The following DPYD variants were observed in gnomAD, a reference collection of about 807,000 sequenced individuals.
DPYD encodes the protein dihydropyrimidine dehydrogenase, also known as dihydropyrimidine dehydrogenase [NADP(+)].
A neutral mutation model predicts 116.2 loss-of-function variants in DPYD; 109 were observed. The ratio of observed to expected loss-of-function variants is 0.94; its 90% confidence interval spans 0.80 to 1.10. The LOEUF (loss-of-function observed/expected upper bound fraction) is 1.10. Ranked by LOEUF, DPYD falls within the 50% of genes least tolerant of loss-of-function variation. The probability of loss-of-function intolerance (pLI) is 0.00; values close to 1 mark genes in which losing one functional copy is unlikely to be tolerated. For synonymous variants in DPYD, 440 were observed against 432.0 expected, an observed-to-expected ratio of 1.02 and a Z score of -0.23; for missense variants, 1,302 against 1,254.5, an observed-to-expected ratio of 1.04 and a Z score of -0.57.
intron 14 of DPYD, among the ~76,000 whole-genome samples, chr1:97,393,833 T>C (rs1672855214): frequency 6.6e-6 from 1 of 152,152 alleles, no homozygotes; most frequent in Admixed American, 6.6e-5. Context: ...GGTCAAATGG[T>C]ATTTCTAGTT....
intron 18 of DPYD, among the ~76,000 whole-genome samples, chr1:97,304,984 T>A (rs995641699): frequency 6.6e-6 from 1 of 151,830 alleles, no homozygotes; most frequent in Admixed American, 6.6e-5. Flanking sequence ...TACTAGTAAG[T>A]GGCAAAAGAA....
chr1:97,208,202 T>G (rs1020609148), intron 19 of DPYD, among the ~76,000 whole-genome samples: 1 of 151,728 alleles, frequency 6.6e-6, no homozygotes, highest in African/African-American at 2.4e-5. Flanking sequence ...TTTTTCTTCC[T>G]CTTTCTTCTT....
rs78905807 is a variant in DPYD at position 97,262,206 on chromosome 1, T to C, written c.2300-27212A>G. On this transcript the variant is annotated intron_variant, in intron 18 of 22. Transcript: ENST00000370192. ...AAATGTCTAGTTACTACTTTGACTG[T>C]AGGTATATCCATTGGAAAGAAAATA... Among the ~76,000 whole-genome samples the C allele has an allele frequency of 7.2e-5, 11 of 152,154 alleles. 1 individual carries two copies. In the East Asian group the frequency reaches 2.1e-3, roughly 29 times the overall value.
At chr1:97,376,246 T>G (rs1671605637) in intron 15 of DPYD, among the ~76,000 whole-genome samples, 1 of 152,190 alleles carries the variant, frequency 6.6e-6, no homozygotes, top group South Asian at 2.1e-4. Flanking sequence ...ACTATTATAA[T>G]TTACTACAAA....
At chr1:97,446,148 T>A (rs899644947) in intron 14 of DPYD, among the ~76,000 whole-genome samples, 6 of 152,188 alleles carry the variant, frequency 3.9e-5, no homozygotes, top group Non-Finnish European at 8.8e-5. Context: ...AAATCTGAAG[T>A]ACTTATACTC....
chr1:97,667,055 A>G (rs1036825793), intron 8 of DPYD, among the ~76,000 whole-genome samples: 5 of 152,190 alleles, frequency 3.3e-5, no homozygotes, highest in African/African-American at 1.2e-4. Flanking sequence ...ATTTGTTTAC[A>G]TATACTCTAA....
chr1:97,380,395 A>C (rs1215709829), intron 15 of DPYD, among the ~76,000 whole-genome samples: 1 of 152,260 alleles, frequency 6.6e-6, no homozygotes, highest in Non-Finnish European at 1.5e-5. Flanking sequence ...TGACACAAGC[A>C]GTAGAAACTT....
intron 14 of DPYD, among the ~76,000 whole-genome samples, chr1:97,396,969 T>G (rs545996757): frequency 6.6e-6 from 1 of 152,140 alleles, no homozygotes; most frequent in Non-Finnish European, 1.5e-5. Flanking sequence ...AGATGTTTAT[T>G]TATATACTTC....
chr1:97,346,237 C>T (rs1314649176), intron 16 of DPYD, among the ~76,000 whole-genome samples: 3 of 151,668 alleles, frequency 2.0e-5, no homozygotes, highest in Non-Finnish European at 4.4e-5. Context: ...ACAAAGTATT[C>T]CACTGTATAA....
intron 20 of DPYD, among the ~76,000 whole-genome samples, chr1:97,138,474 T>A (rs893266759): frequency 6.6e-6 from 1 of 152,096 alleles, no homozygotes; most frequent in African/African-American, 2.4e-5. Flanking sequence ...GCATGGTGAG[T>A]TCATCCGGTT....
chr1:97,848,512 C>T (rs1207427767), intron 2 of DPYD, among the ~76,000 whole-genome samples: 1 of 152,094 alleles, frequency 6.6e-6, no homozygotes, highest in African/African-American at 2.4e-5. Flanking sequence ...TTAGAGTATT[C>T]AGGAAGTTGG....
chr1:97,258,035 C>T (rs1160907041), intron 18 of DPYD, among the ~76,000 whole-genome samples: 1 of 151,944 alleles, frequency 6.6e-6, no homozygotes, highest in East Asian at 2.0e-4. Flanking sequence ...TGGAGGGAAT[C>T]ACAGATAACG....
chr1:97,516,613 A>G (rs548644868), intron 12 of DPYD, among the ~76,000 whole-genome samples: 1 of 152,166 alleles, frequency 6.6e-6, no homozygotes, highest in East Asian at 1.9e-4. Context: ...ACTGGCACTC[A>G]AAACTGTAAA....
At chr1:97,487,605 G>A (rs1318034398) in intron 13 of DPYD, among the ~76,000 whole-genome samples, 12 of 152,018 alleles carry the variant, frequency 7.9e-5, no homozygotes, top group African/African-American at 9.7e-5. Flanking sequence ...CCTGGGAGGC[G>A]GAGCTTGCAG....
At chr1:97,687,169 A>T (rs1660781324) in intron 7 of DPYD, among the ~76,000 whole-genome samples, 1 of 151,988 alleles carries the variant, frequency 6.6e-6, no homozygotes, top group African/African-American at 2.4e-5. Flanking sequence ...TACTTGGGAC[A>T]CTCGGGCAGG....
chr1:97,523,941 C>A (rs981427332), intron 12 of DPYD, among the ~76,000 whole-genome samples: 2 of 151,988 alleles, frequency 1.3e-5, no homozygotes, highest in Non-Finnish European at 2.9e-5. Flanking sequence ...TGGAACTGTA[C>A]ACTTAAAGAT....
At chr1:97,083,403 A>G (rs1455206032) in intron 21 of DPYD, among the ~76,000 whole-genome samples, 1 of 151,972 alleles carries the variant, frequency 6.6e-6, no homozygotes, top group Non-Finnish European at 1.5e-5. Context: ...CTATTTTTAT[A>G]ATCTTGCTTA....
At chr1:97,602,663 T>C (rs1379366851) in intron 8 of DPYD, among the ~76,000 whole-genome samples, 4 of 151,986 alleles carry the variant, frequency 2.6e-5, no homozygotes, top group Non-Finnish European at 4.4e-5. Context: ...TTTATGGAGA[T>C]GGATAAAATA....
intron 3 of DPYD, among the ~76,000 whole-genome samples, chr1:97,764,751 G>A (rs551570579): frequency 2.6e-5 from 4 of 151,970 alleles, no homozygotes; most frequent in Admixed American, 6.6e-5. Context: ...CATATTTTAC[G>A]TACCATATTT....
Sources: allele counts gnomAD v4.1 joint callset (sites outside exome capture counted in the v4.1 genomes callset), GRCh38; gene constraint gnomAD v4.1.1; transcripts MANE v1.5; gene names NCBI Gene and HGNC (gene_info 2026-07-23, HGNC 2026-07-21).